The following AOPEP variants were observed in gnomAD, a reference collection of about 807,000 sequenced individuals.
AOPEP encodes the protein aminopeptidase O (putative).
A neutral mutation model predicts 98.1 loss-of-function variants in AOPEP; 77 were observed. The ratio of observed to expected loss-of-function variants is 0.78; its 90% CI spans 0.65 to 0.95. The LOEUF (loss-of-function observed/expected upper bound fraction) is 0.95. Among genes scored for constraint, AOPEP ranks in the 40% least tolerant of loss-of-function variants. The pLI is 0.00. For missense variants in AOPEP, 1,024 were observed against 1,024.7 expected (o/e 1.00, Z 0.01); for synonymous variants, 346 against 365.3 (o/e 0.95, Z 0.60).
At chr9:95,012,695 A>G (rs566560829) in intron 13 of AOPEP, among the ~76,000 whole-genome samples, 1 of 152,086 alleles carries the variant, frequency 6.6e-6, no homozygotes, top group East Asian at 1.9e-4. Context: ...GCCAACATAT[A>G]TTTCCTTCTG....
At chr9:95,000,930 C>T (rs1328001248) in intron 11 of AOPEP, among the ~76,000 whole-genome samples, 2 of 152,110 alleles carry the variant, frequency 1.3e-5, no homozygotes, top group Non-Finnish European at 2.9e-5. Context: ...ATTGAAAGAT[C>T]TTTCGGTTTC....
chr9:94,761,466 G>A (rs1838275117), intron 2 of AOPEP, among the ~76,000 whole-genome samples: 1 of 152,144 alleles, frequency 6.6e-6, no homozygotes, highest in Non-Finnish European at 1.5e-5. Context: ...GCAGAGCTTG[G>A]ATGGAGGAAC....
intron 10 of AOPEP, among the ~76,000 whole-genome samples, chr9:94,973,548 C>T (rs770210775): frequency 2.6e-5 from 4 of 152,180 alleles, no homozygotes; most frequent in African/African-American, 4.8e-5. Context: ...TTTATAGCTC[C>T]GAGGAACTGG....
the AOPEP span, among the ~76,000 whole-genome samples, chr9:95,104,175 C>T: frequency 2.0e-5 from 3 of 152,204 alleles, no homozygotes; most frequent in East Asian, 3.8e-4. Context: ...AGGGATCCTT[C>T]CCCAGAGGCC....
At chr9:94,841,586 T>C (rs1564236449) in intron 5 of AOPEP, among the ~76,000 whole-genome samples, 3 of 152,226 alleles carry the variant, frequency 2.0e-5, no homozygotes, top group Non-Finnish European at 4.4e-5. Flanking sequence ...GTTGTTTGAG[T>C]TGCAGTTGTT....
chr9:95,034,435 G>A (rs2064596907), intron 13 of AOPEP, among the ~76,000 whole-genome samples: 1 of 152,322 alleles, frequency 6.6e-6, no homozygotes, highest in Middle Eastern at 3.4e-3. Flanking sequence ...TGCTACTTAA[G>A]TGTCTGTACA....
chr9:94,961,064 A>C (rs2058806184), intron 9 of AOPEP, among the ~76,000 whole-genome samples: 1 of 151,532 alleles, frequency 6.6e-6, no homozygotes, highest in Non-Finnish European at 1.5e-5. Context: ...TTTGAATTAT[A>C]AACTGACTGG....
intron 2 of AOPEP, chr9:94,763,023 A>G (rs1023639926): frequency 1.7e-5 from 6 of 355,928 alleles, no homozygotes; most frequent in Non-Finnish European, 3.5e-5. Context: ...TATTAAAACT[A>G]AAATAGTTTC....
intron 9 of AOPEP, among the ~76,000 whole-genome samples, chr9:94,957,991 G>A (rs1034459169): frequency 2.0e-5 from 3 of 151,860 alleles, no homozygotes; most frequent in Middle Eastern, 3.4e-3. Context: ...ATTTTTGTGC[G>A]ATCATTACCA....
rs61739340 is a variant in AOPEP at position 95,005,588 on chromosome 9, G to A, written c.2087G>A (p.Arg696His). 2 of 1,614,032 alleles carry A rather than the reference G, an allele frequency of 1.2e-6. No homozygotes were observed. The highest frequency in any genetic ancestry group is 1.7e-6 in the Non-Finnish European group (2 of 1,179,940). The change falls in exon 13 of 17, where the codon CGC (arginine) becomes CAC (histidine). Residue 696 changes from arginine to histidine, a missense_variant. Physicochemically the swap from Arg to His is conservative, Grantham distance 29 (BLOSUM62 0). Transcript: ENST00000375315. ...AACCGGAGACCCCGAAAACGGAAGC[G>A]CAGGGAGAAGGAAGAGGTGTTTGAA... ...GVNRRPRKRK[R>H]REKEEVFEKL...
chr9:94,983,629 CA>C (rs11334863), intron 11 of AOPEP, among the ~76,000 whole-genome samples: 2,771 of 152,258 alleles, frequency 0.018, 91 homozygotes, highest in African/African-American at 0.063. Flanking sequence ...TTGAGGCTAC[CA>C]GCAGACTGGT....
At chr9:94,822,009 A>ATG (rs1554726863) in intron 5 of AOPEP, among the ~76,000 whole-genome samples, 3 of 149,770 alleles carry the variant, frequency 2.0e-5, no homozygotes, top group Non-Finnish European at 4.5e-5. Context: ...ACACACACAC[A>ATG]CACGCAGGCA....
At chr9:94,742,329 T>G (rs1833322939) in intron 1 of AOPEP, among the ~76,000 whole-genome samples, 1 of 152,182 alleles carries the variant, frequency 6.6e-6, no homozygotes, top group South Asian at 2.1e-4. Flanking sequence ...AGAGCTGTGC[T>G]CCTTGATGAG....
chr9:94,943,763 A>G (rs1275153611), intron 7 of AOPEP, among the ~76,000 whole-genome samples: 1 of 148,694 alleles, frequency 6.7e-6, no homozygotes, highest in Non-Finnish European at 1.5e-5. Flanking sequence ...TGCTAAACAT[A>G]CAAACAATTA....
intron 3 of AOPEP, among the ~76,000 whole-genome samples, chr9:94,789,998 C>G (rs1235099849): frequency 1.3e-5 from 2 of 151,910 alleles, no homozygotes; most frequent in Non-Finnish European, 1.5e-5. Flanking sequence ...TTCAGCCTCC[C>G]GAGTAGCTGG....
intron 14 of AOPEP, chr9:95,061,111 G>A (rs914646307): frequency 1.2e-5 from 3 of 244,438 alleles, no homozygotes; most frequent in African/African-American, 4.5e-5. Context: ...GCCCACTGAC[G>A]GTGGTGCCAT....
At chr9:94,929,975 A>G (rs2055026143) in intron 7 of AOPEP, among the ~76,000 whole-genome samples, 1 of 152,124 alleles carries the variant, frequency 6.6e-6, no homozygotes. Context: ...AGGGGCCAAG[A>G]GAGGCAGGCA....
At chr9:95,015,835 C>A (rs1299475964) in intron 13 of AOPEP, among the ~76,000 whole-genome samples, 1 of 152,174 alleles carries the variant, frequency 6.6e-6, no homozygotes, top group African/African-American at 2.4e-5. Flanking sequence ...ATCCAGATTG[C>A]CTTCATGAGC....
chr9:94,844,104 G>A (rs974164672), intron 5 of AOPEP, among the ~76,000 whole-genome samples: 7 of 152,050 alleles, frequency 4.6e-5, no homozygotes, highest in African/African-American at 1.4e-4. Flanking sequence ...TCGCCCAGCT[G>A]GAGTACAATG....
Sources: allele counts gnomAD v4.1 joint callset (sites outside exome capture counted in the v4.1 genomes callset), GRCh38; gene constraint gnomAD v4.1.1; transcripts MANE v1.5; gene names NCBI Gene and HGNC (gene_info 2026-07-23, HGNC 2026-07-21).